The following BLOC1S6 variants were observed in gnomAD, a reference collection of about 807,000 sequenced individuals.
The protein encoded by BLOC1S6 is biogenesis of lysosomal organelles complex 1 subunit 6, also known as biogenesis of lysosome-related organelles complex 1 subunit 6.
Under a neutral mutation model 24.7 loss-of-function variants are expected in BLOC1S6, and 24 were observed. The observed-to-expected ratio is 0.97, with a 90% CI of 0.70 to 1.37. The LOEUF (loss-of-function observed/expected upper bound fraction) is 1.37, where lower values mean the gene tolerates loss of function less well. Ranked by LOEUF, BLOC1S6 falls within the 40% of genes most tolerant of loss-of-function variation. BLOC1S6 has a pLI of 0.00. For missense variants in BLOC1S6, 175 were observed against 196.2 expected (o/e 0.89, Z 0.64); for synonymous variants, 76 against 72.6 (o/e 1.05, Z -0.23).
At chr15:45,597,612 C>A (rs1894124851) in intron 2 of BLOC1S6, among the ~76,000 whole-genome samples, 1 of 152,114 alleles carries the variant, frequency 6.6e-6, no homozygotes, top group Non-Finnish European at 1.5e-5. Context: ...ATTTGTACCA[C>A]CATATTTCAC....
At chr15:45,601,050 A>G (rs145101567) in intron 2 of BLOC1S6, among the ~76,000 whole-genome samples, 2 of 152,310 alleles carry the variant, frequency 1.3e-5, no homozygotes, top group African/African-American at 2.4e-5. Flanking sequence ...TTTATACACT[A>G]TGTTTTTTCC....
chr15:45,591,167 AAG>A (rs1893870784), intron 1 of BLOC1S6, among the ~76,000 whole-genome samples: 1 of 152,230 alleles, frequency 6.6e-6, no homozygotes, highest in African/African-American at 2.4e-5. Context: ...GCTGAATCTT[AAG>A]AGAGAAGAAA....
chr15:45,587,650 T>TG, intron 1 of BLOC1S6, 125 bp downstream of exon 1: 1 of 970,812 alleles, frequency 1.0e-6, no homozygotes, highest in Admixed American at 2.1e-5. Flanking sequence ...CCCCGGGCCC[T>TG]GCCCCGAGTG....
chr15:45,591,948 C>T (rs1318219049), intron 1 of BLOC1S6, 187 bp from the exon 2 acceptor site: 1 of 639,142 alleles, frequency 1.6e-6, no homozygotes, highest in African/African-American at 1.8e-5. Flanking sequence ...TACTCCCCAA[C>T]CTCCTTTTAT....
rs1290035590 is a variant in BLOC1S6 at position 45,606,502 on chromosome 15, C to T, written c.507C>T (p.Ala169=). 2.5e-6 allele frequency: 4 copies of T among 1,614,070 alleles called. No individual in the cohort carries two copies. The highest frequency in any genetic ancestry group is 2.5e-6 in the Non-Finnish European group (3 of 1,180,008). Reference sequence around the variant, plus strand: ...AAAAGCAGTTAACTGCCAGACCAGCCAAAAGGATGTGAAAAGTTGTGTTTG... The same window carrying T: ...AAAAGCAGTTAACTGCCAGACCAGCTAAAAGGATGTGAAAAGTTGTGTTTG... ...EREKQLTARP[A]KRM is the part of the protein sequence containing the mutation. Residue 169 remains alanine (A), a synonymous_variant, in exon 5 of 5, where the codon GCC becomes GCT. Transcript: ENST00000220531.
At position 45,606,808 on chromosome 15, in the gene BLOC1S6, G is replaced by A; in HGVS notation, c.*294G>A. Reference sequence around the variant, plus strand: ...ATTATTGTGAGTCAAAACTCTAAGTGGTTAAAAATTAGTATGAATTTTTTA... The same window carrying A: ...ATTATTGTGAGTCAAAACTCTAAGTAGTTAAAAATTAGTATGAATTTTTTA... On this transcript the variant is annotated 3_prime_UTR_variant, in exon 5 of 5. Coordinates refer to ENST00000220531, the MANE Select transcript of BLOC1S6 (RefSeq NM_012388.4). 1 of 338,734 alleles carries A rather than the reference G, an allele frequency of 3.0e-6. No homozygotes were observed. Among genetic ancestry groups the A allele is most frequent in the Non-Finnish European group, 5.3e-6 (1 of 187,460 alleles). The allele number at this position is 338,734 out of a possible 1,614,324, so 21.0% of individuals were successfully genotyped here. A position where few individuals can be genotyped will look rare whatever the true frequency, so the allele number is the denominator to read the frequency against.
chr15:45,592,220 G>A lies in BLOC1S6; in HGVS notation c.168G>A (p.Leu56=), dbSNP rs1893913684. 1.2e-6 allele frequency: 2 copies of A among 1,614,140 alleles called. No individual in the cohort carries two copies. Among genetic ancestry groups the A allele is most frequent in the South Asian group, 1.1e-5 (1 of 91,088 alleles). The part of the protein sequence containing the change: ...DKAVEQLAEG[L]LSHYLPDLQR... ...CAGTGGAGCAACTGGCAGAAGGATT[G>A]CTTTCTCATTATTTGCCAGATCTGC... Residue 56 remains leucine (L), a synonymous_variant, in exon 2 of 5, where the codon TTG becomes TTA. Transcript: ENST00000220531.
intron 2 of BLOC1S6, chr15:45,597,835 C>A: frequency 9.2e-6 from 3 of 324,588 alleles, no homozygotes; most frequent in East Asian, 1.0e-4. Context: ...GCTTTCTTCT[C>A]AATTTGTATA....
intron 4 of BLOC1S6, among the ~76,000 whole-genome samples, chr15:45,605,942 A>G (rs1894439147): frequency 6.6e-6 from 1 of 152,088 alleles, no homozygotes; most frequent in African/African-American, 2.4e-5. Context: ...TAATTCATTC[A>G]TGGTACATTG....
At chr15:45,592,736 A>G (rs1449294457) in intron 2 of BLOC1S6, among the ~76,000 whole-genome samples, 1 of 152,208 alleles carries the variant, frequency 6.6e-6, no homozygotes, top group Admixed American at 6.5e-5. Flanking sequence ...CTTTACTAGT[A>G]AGTAAAGATT....
In BLOC1S6 at chr15:45,587,609, G is replaced by C. The variant is rs1191827799; in HGVS notation, c.82+84G>C. ...GTGAGTAGAACTCCGGAGAAACCCTGGGGGAGTAAGCGGTTTTTGGCGGCT... is the reference window on the plus strand; with the variant it reads ...GTGAGTAGAACTCCGGAGAAACCCTCGGGGAGTAAGCGGTTTTTGGCGGCT... On this transcript the variant is annotated intron_variant, in intron 1 of 4. Coordinates refer to ENST00000220531, the MANE Select transcript of BLOC1S6 (RefSeq NM_012388.4). 21 of 1,369,874 alleles carry C rather than the reference G, an allele frequency of 1.5e-5. No homozygotes were observed. In the South Asian group the frequency reaches 2.4e-4, roughly 16 times the overall value. 84.9% of individuals were successfully genotyped at this position (1,369,874 alleles called of 1,614,324 possible). A position where few individuals can be genotyped will look rare whatever the true frequency, so the allele number is the denominator to read the frequency against.
chr15:45,590,777 T>C (rs1893855578), intron 1 of BLOC1S6, among the ~76,000 whole-genome samples: 1 of 152,178 alleles, frequency 6.6e-6, no homozygotes, highest in Admixed American at 6.5e-5. Context: ...TCACAAGCAA[T>C]GTGTTGTGAT....
At chr15:45,599,734 G>A in intron 2 of BLOC1S6, among the ~76,000 whole-genome samples, 1 of 74,872 alleles carries the variant, frequency 1.3e-5, no homozygotes, top group African/African-American at 6.9e-5. Context: ...CTGTTGGTGG[G>A]ACTGTAAACT....
chr15:45,602,404 C>T lies in BLOC1S6; in HGVS notation c.225-696C>T, dbSNP rs1012442496. 24 of 658,118 alleles carry T rather than the reference C, an allele frequency of 3.6e-5. No homozygotes were observed. In the Middle Eastern group the frequency reaches 8.6e-4, roughly 24 times the overall value. The allele number at this position is 658,118 out of a possible 1,614,324, so 40.8% of individuals were successfully genotyped here. A position where few individuals can be genotyped will look rare whatever the true frequency, so the allele number is the denominator to read the frequency against. Reference sequence around the variant, plus strand: ...GGTGACCCTTTTAATGTCACTTATTCCTGTGATCCTAACATTGATTGATGT... The same window carrying T: ...GGTGACCCTTTTAATGTCACTTATTTCTGTGATCCTAACATTGATTGATGT... On this transcript the variant is annotated intron_variant, in intron 2 of 4. Coordinates refer to ENST00000220531, the MANE Select transcript of BLOC1S6 (RefSeq NM_012388.4).
At chr15:45,595,900 T>G (rs567706051) in intron 2 of BLOC1S6, among the ~76,000 whole-genome samples, 68 of 152,200 alleles carry the variant, frequency 4.5e-4, no homozygotes, top group African/African-American at 1.6e-3. Context: ...GTCTGCCTCC[T>G]GGGTTCAAGC....
In BLOC1S6 at chr15:45,609,409, C is replaced by T. The variant is rs191880341; in HGVS notation, c.*2895C>T. 8.5e-5 allele frequency: 13 copies of T among 152,282 alleles called. No individual in the cohort carries two copies. Among genetic ancestry groups the T allele is most frequent in the Admixed American group, 8.5e-4 (13 of 15,294 alleles). 9.4% of individuals were successfully genotyped at this position (152,282 alleles called of 1,614,324 possible). On this transcript the variant is annotated 3_prime_UTR_variant, in exon 5 of 5. Coordinates refer to ENST00000220531, the MANE Select transcript of BLOC1S6 (RefSeq NM_012388.4). ...TTATAATTAGTGTTGTATTTTTCTG[C>T]AAAATAGTGAATTGGTACTTGGGAG...
intron 1 of BLOC1S6, among the ~76,000 whole-genome samples, chr15:45,590,187 C>A (rs137977083): frequency 0.026 from 3,877 of 151,892 alleles, 193 homozygotes; most frequent in African/African-American, 0.09. Context: ...CTCTCTCTCT[C>A]TCTCTCTATA....
At chr15:45,593,486 T>C (rs939407868) in intron 2 of BLOC1S6, among the ~76,000 whole-genome samples, 20 of 151,658 alleles carry the variant, frequency 1.3e-4, no homozygotes, top group Non-Finnish European at 1.9e-4. Flanking sequence ...TTTGTGCTAA[T>C]CCCAAACAAG....
intron 3 of BLOC1S6, among the ~76,000 whole-genome samples, chr15:45,604,209 GAAA>G (rs1566904594): frequency 6.6e-6 from 1 of 151,828 alleles, no homozygotes; most frequent in South Asian, 2.1e-4. Flanking sequence ...TCTCTATTAA[GAAA>G]AAAAGAAGCT....
Sources: gnomAD v4.1 joint callset for allele counts (sites outside exome capture counted in the v4.1 genomes callset) on GRCh38, gnomAD v4.1.1 for gene constraint, MANE v1.5 for transcripts, NCBI Gene and HGNC (gene_info 2026-07-23, HGNC 2026-07-21) for gene names.